MTF2: variants seen among roughly 807,000 people sequenced by gnomAD.
The protein encoded by MTF2 is metal response element binding transcription factor 2.
MTF2 carries 11 observed loss-of-function variants against 79.5 expected under a neutral mutation model. That is an observed-to-expected ratio of 0.14 (90% CI 0.09 to 0.23). The LOEUF (loss-of-function observed/expected upper bound fraction) is 0.23, where lower values mean the gene tolerates loss of function less well. Among genes scored for constraint, MTF2 ranks in the 10% least tolerant of loss-of-function variants. The pLI is 1.00. For synonymous variants in MTF2, 208 were observed against 232.8 expected (o/e 0.89, Z 0.97); for missense variants, 486 against 711.2 (o/e 0.68, Z 3.60).
At chr1:93,103,120 A>G (rs1467309992) in intron 1 of MTF2, among the ~76,000 whole-genome samples, 2 of 151,852 alleles carry the variant, frequency 1.3e-5, no homozygotes, top group Non-Finnish European at 2.9e-5. Flanking sequence ...TGACACAGTG[A>G]GACTAGCTCA....
chr1:93,113,503 T>G (rs1454468875), intron 3 of MTF2, among the ~76,000 whole-genome samples: 1 of 152,148 alleles, frequency 6.6e-6, no homozygotes, highest in Non-Finnish European at 1.5e-5. Context: ...AAACAGTTGG[T>G]AACCTGTATG....
chr1:93,119,313 CTTTTTTT>C lies in MTF2; in HGVS notation c.729-12_729-6del, dbSNP rs74464389. The stretch of plus-strand genomic sequence containing the variant: ...CTGATGACTCAGTATAAAACTTTTT[CTTTTTTT>C]TTTTTTTCTTAGATTTTATACGTTT... On this transcript the variant is annotated splice_polypyrimidine_tract_variant and intron_variant, in intron 7 of 14. Coordinates refer to ENST00000370298, the MANE Select transcript of MTF2 (RefSeq NM_007358.4). The C allele has an allele frequency of 2.3e-6, 3 of 1,295,020 alleles. No individual in the cohort carries two copies. Among genetic ancestry groups the C allele is most frequent in the South Asian group, 1.5e-5 (1 of 67,600 alleles). The allele number at this position is 1,295,020 out of a possible 1,614,324, so 80.2% of individuals were successfully genotyped here. A position where few individuals can be genotyped will look rare whatever the true frequency, so the allele number is the denominator to read the frequency against.
intron 1 of MTF2, among the ~76,000 whole-genome samples, chr1:93,103,579 T>G (rs1309437066): frequency 6.6e-6 from 1 of 152,060 alleles, no homozygotes; most frequent in Admixed American, 6.5e-5. Flanking sequence ...GAGATTAACT[T>G]TTTTTATGGG....
At chr1:93,099,415 A>G (rs1008351460) in intron 1 of MTF2, among the ~76,000 whole-genome samples, 3 of 152,134 alleles carry the variant, frequency 2.0e-5, no homozygotes, top group African/African-American at 7.2e-5. Flanking sequence ...TTAAGGATAA[A>G]TGAAGATCCT....
chr1:93,089,905 C>T (rs563625062), intron 1 of MTF2, among the ~76,000 whole-genome samples: 11 of 149,800 alleles, frequency 7.3e-5, no homozygotes, highest in East Asian at 2.0e-4. Context: ...AGTGCAGTGG[C>T]GCAATCTTTG....
At chr1:93,080,141 A>G (rs1004718451) in intron 1 of MTF2, among the ~76,000 whole-genome samples, 22 of 152,024 alleles carry the variant, frequency 1.4e-4, no homozygotes, top group African/African-American at 5.3e-4. Context: ...GAGATGGGGG[A>G]AAGCTAGGTA....
intron 6 of MTF2, among the ~76,000 whole-genome samples, chr1:93,115,867 A>T (rs1295900332): frequency 1.3e-5 from 2 of 152,224 alleles, no homozygotes; most frequent in Non-Finnish European, 2.9e-5. Flanking sequence ...ATATTGTCAT[A>T]AAATTAACTA....
At chr1:93,094,690 G>T (rs946938670) in intron 1 of MTF2, among the ~76,000 whole-genome samples, 1 of 151,902 alleles carries the variant, frequency 6.6e-6, no homozygotes, top group Non-Finnish European at 1.5e-5. Context: ...GGGGGGTGGG[G>T]TGGGCAAGAC....
chr1:93,119,711 G>A (rs1656394726), intron 8 of MTF2: 1 of 208,564 alleles, frequency 4.8e-6, no homozygotes, highest in Non-Finnish European at 9.4e-6. Flanking sequence ...AGAGAGATAG[G>A]TATAACAAAT....
intron 11 of MTF2, among the ~76,000 whole-genome samples, chr1:93,132,236 A>G (rs1376463492): frequency 1.3e-5 from 2 of 152,222 alleles, no homozygotes; most frequent in African/African-American, 4.8e-5. Flanking sequence ...TGAAGTTTGT[A>G]AGAAATTAGC....
rs1647505575 is a variant in MTF2 at position 93,138,710 on chromosome 1, C to G, written c.*1683C>G. ...AGCTATTAATTTAAGGTTGCCTTTC[C>G]TGCAGCTGCAATATTTTGAATAACA... is the stretch of plus-strand genomic sequence containing the variant. On this transcript the variant is annotated 3_prime_UTR_variant, in exon 15 of 15. Coordinates refer to ENST00000370298, the MANE Select transcript of MTF2 (RefSeq NM_007358.4). 6.6e-6 allele frequency: 1 copy of G among 152,192 alleles called. No homozygotes were observed. The highest frequency in any genetic ancestry group is 2.1e-4 in the South Asian group (1 of 4,830). 9.4% of individuals were successfully genotyped at this position (152,192 alleles called of 1,614,324 possible).
chr1:93,101,337 A>T (rs1655518826), intron 1 of MTF2, among the ~76,000 whole-genome samples: 1 of 150,376 alleles, frequency 6.6e-6, no homozygotes, highest in African/African-American at 2.4e-5. Context: ...TTGAGTTAAA[A>T]TACATGTAAC....
At chr1:93,097,640 C>T (rs1180574377) in intron 1 of MTF2, among the ~76,000 whole-genome samples, 1 of 152,050 alleles carries the variant, frequency 6.6e-6, no homozygotes, top group Non-Finnish European at 1.5e-5. Context: ...CTCTGTCGCC[C>T]AGGCAGGAGT....
intron 1 of MTF2, among the ~76,000 whole-genome samples, chr1:93,108,138 T>C (rs537134566): frequency 1.6e-4 from 25 of 152,322 alleles, no homozygotes; most frequent in African/African-American, 4.3e-4. Flanking sequence ...TATGCTATTA[T>C]TGCCAAATAT....
At position 93,110,724 on chromosome 1, in the gene MTF2, A is replaced by G. The variant is rs985037742; in HGVS notation, c.286+98A>G. On this transcript the variant is annotated intron_variant, in intron 3 of 14. Transcript: ENST00000370298. ...GTTGTCTGTTGAATACAGTGTATTTAGATAACTCAGTATTACTTCCTAGGA... is the reference window on the plus strand; with the variant it reads ...GTTGTCTGTTGAATACAGTGTATTTGGATAACTCAGTATTACTTCCTAGGA... The G allele has an allele frequency of 3.1e-6, 3 of 972,250 alleles. No homozygotes were observed. The African/African-American group carries it at 4.9e-5, about 16-fold the overall frequency. The allele number at this position is 972,250 out of a possible 1,614,324, so 60.2% of individuals were successfully genotyped here. A position where few individuals can be genotyped will look rare whatever the true frequency, so the allele number is the denominator to read the frequency against.
At chr1:93,135,172 A>C (rs918937932) in intron 14 of MTF2, among the ~76,000 whole-genome samples, 2 of 152,004 alleles carry the variant, frequency 1.3e-5, no homozygotes, top group Non-Finnish European at 2.9e-5. Flanking sequence ...GGGTTTCACC[A>C]TGTTGGCCAG....
intron 11 of MTF2, among the ~76,000 whole-genome samples, chr1:93,129,762 A>G (rs1656844461): frequency 6.6e-6 from 1 of 152,118 alleles, no homozygotes; most frequent in African/African-American, 2.4e-5. Flanking sequence ...TCATTCATTC[A>G]GCACAGTTTT....
Position 93,137,096 on chromosome 1 carries a change from G to T in MTF2, c.*69G>T. 1.2e-5 allele frequency: 15 copies of T among 1,239,634 alleles called. No individual in the cohort carries two copies. The highest frequency in any genetic ancestry group is 2.1e-4 in the Middle Eastern group (1 of 4,658). The allele number at this position is 1,239,634 out of a possible 1,614,324, so 76.8% of individuals were successfully genotyped here. ...AGGTACAGTTCAAAGCCCTAAAGGAGTCTGGCTTTTACTATCTTTCTTAAA... is the reference window on the plus strand; with the variant it reads ...AGGTACAGTTCAAAGCCCTAAAGGATTCTGGCTTTTACTATCTTTCTTAAA... On this transcript the variant is annotated 3_prime_UTR_variant, in exon 15 of 15. Transcript: ENST00000370298.
At chr1:93,086,556 G>T (rs1460424763) in intron 1 of MTF2, among the ~76,000 whole-genome samples, 1 of 150,168 alleles carries the variant, frequency 6.7e-6, no homozygotes, top group Non-Finnish European at 1.5e-5. Flanking sequence ...GGTACAATAT[G>T]TATGAATGCC....
Sources: gnomAD v4.1 joint callset for allele counts (sites outside exome capture counted in the v4.1 genomes callset) on GRCh38, gnomAD v4.1.1 for gene constraint, MANE v1.5 for transcripts, NCBI Gene and HGNC (gene_info 2026-07-23, HGNC 2026-07-21) for gene names.